The following ABCC4 variants were observed in gnomAD, a reference collection of about 807,000 sequenced individuals.
ABCC4 encodes the protein ATP binding cassette subfamily C member 4 (PEL blood group), also known as ATP-binding cassette sub-family C member 4.
A neutral mutation model predicts 168.5 loss-of-function variants in ABCC4; 102 were observed. That is an observed-to-expected ratio of 0.61 (90% CI 0.52 to 0.71). The LOEUF is 0.71. Among genes scored for constraint, ABCC4 ranks in the 30% least tolerant of loss-of-function variants. ABCC4 has a pLI of 0.00. For synonymous variants in ABCC4, 617 were observed against 590.7 expected (o/e 1.04, Z -0.65); for missense variants, 1,402 against 1,605.8 (o/e 0.87, Z 2.17).
At chr13:95,291,355 C>CAAA (rs773811081) in intron 1 of ABCC4, among the ~76,000 whole-genome samples, 1 of 134,706 alleles carries the variant, frequency 7.4e-6, no homozygotes, top group Admixed American at 7.5e-5. Context: ...GATCCTGTCT[C>CAAA]AAAAAAAAAA....
At chr13:95,287,803 G>A (rs2041296924) in intron 1 of ABCC4, among the ~76,000 whole-genome samples, 1 of 151,688 alleles carries the variant, frequency 6.6e-6, no homozygotes, top group Non-Finnish European at 1.5e-5. Context: ...AGCACTTTGG[G>A]AGGCCAAGGC....
chr13:95,241,900 C>T (rs2039954231), intron 3 of ABCC4, among the ~76,000 whole-genome samples: 1 of 152,166 alleles, frequency 6.6e-6, no homozygotes, highest in African/African-American at 2.4e-5. Context: ...TATGGATCCA[C>T]TGCACAGTTG....
chr13:95,071,511 A>G, intron 25 of ABCC4, 151 bp downstream of exon 25: 1 of 619,210 alleles, frequency 1.6e-6, no homozygotes, highest in Non-Finnish European at 2.4e-6. Flanking sequence ...CACAGCAGGA[A>G]GAATGTTGGT....
At chr13:95,154,270 A>C (rs1226641527) in intron 19 of ABCC4, among the ~76,000 whole-genome samples, 1 of 152,224 alleles carries the variant, frequency 6.6e-6, no homozygotes, top group Non-Finnish European at 1.5e-5. Context: ...CTCTTAAACT[A>C]ACTAATGTAC....
chr13:95,034,846 G>C (rs541170338), intron 29 of ABCC4, 107 bp from the exon 30 acceptor site: 575 of 1,506,290 alleles, frequency 3.8e-4, no homozygotes, highest in Non-Finnish European at 4.7e-4. Context: ...GAATCTGTTT[G>C]GGTGGTAGGC....
chr13:95,113,090 C>T (rs1480303758), intron 20 of ABCC4, among the ~76,000 whole-genome samples: 1 of 152,204 alleles, frequency 6.6e-6, no homozygotes. Context: ...CATCAGGCTT[C>T]CTGTATGGCT....
At chr13:95,134,552 C>A (rs1397275297) in intron 19 of ABCC4, among the ~76,000 whole-genome samples, 3 of 152,034 alleles carry the variant, frequency 2.0e-5, no homozygotes, top group Non-Finnish European at 4.4e-5. Flanking sequence ...AAAACTCTAT[C>A]TCTACAAAAA....
At chr13:95,153,595 T>C (rs889498977) in intron 19 of ABCC4, among the ~76,000 whole-genome samples, 4 of 152,222 alleles carry the variant, frequency 2.6e-5, no homozygotes, top group Admixed American at 2.6e-4. Flanking sequence ...ATTACATGAT[T>C]ATCACTTTGA....
Position 95,062,765 on chromosome 13 carries a change from T to C in ABCC4, c.3305A>G (p.Lys1102Arg). The change falls in exon 26 of 31, where the codon AAG becomes AGG. Residue 1102 changes from lysine (K) to arginine (R), a missense_variant. Coordinates refer to ENST00000645237, the MANE Select transcript of ABCC4 (RefSeq NM_005845.5). ...SEPEGKIWID[K>R]ILTTEIGLHD... is the part of the protein sequence containing the mutation. Reference sequence around the variant, plus strand: ...AAGTCCAATTTCAGTTGTCAAGATCTTATCAATCCAAATTTTACCTTCGGG... The same window carrying C: ...AAGTCCAATTTCAGTTGTCAAGATCCTATCAATCCAAATTTTACCTTCGGG... 6.2e-7 allele frequency: 1 copy of C among 1,614,082 alleles called. No individual in the cohort carries two copies. The highest frequency in any genetic ancestry group is 8.5e-7 in the Non-Finnish European group (1 of 1,179,982).
intron 20 of ABCC4, among the ~76,000 whole-genome samples, chr13:95,104,907 G>T (rs115461685): frequency 0.021 from 3,268 of 152,258 alleles, 121 homozygotes; most frequent in African/African-American, 0.075. Context: ...TTGGCACCAG[G>T]GACTGGTTTC....
chr13:95,069,521 A>C (rs1431122295), intron 25 of ABCC4, among the ~76,000 whole-genome samples: 1 of 152,208 alleles, frequency 6.6e-6, no homozygotes, highest in Admixed American at 6.5e-5. Context: ...TATTAAATAC[A>C]TTCATGTTGT....
intron 13 of ABCC4, among the ~76,000 whole-genome samples, chr13:95,174,083 T>G (rs940914134): frequency 1.3e-5 from 2 of 152,198 alleles, no homozygotes; most frequent in African/African-American, 4.8e-5. Context: ...GAGATCTGAT[T>G]AGGAGACTCA....
At chr13:95,217,124 A>G (rs1393845054) in intron 4 of ABCC4, among the ~76,000 whole-genome samples, 1 of 152,228 alleles carries the variant, frequency 6.6e-6, no homozygotes, top group Non-Finnish European at 1.5e-5. Context: ...AAGGCAGGCA[A>G]GGAAATACAT....
chr13:95,080,653 A>G (rs2034064282), intron 21 of ABCC4, among the ~76,000 whole-genome samples: 1 of 152,216 alleles, frequency 6.6e-6, no homozygotes, highest in African/African-American at 2.4e-5. Flanking sequence ...TTGTATTTTT[A>G]GCAGAGATGG....
chr13:95,163,540 A>G, intron 17 of ABCC4, 70 bp downstream of exon 17: 1 of 1,382,022 alleles, frequency 7.2e-7, no homozygotes, highest in South Asian at 1.2e-5. Flanking sequence ...ACCTCCCTCT[A>G]ACTCTATGGA....
At chr13:95,092,867 CT>C (rs1040590808) in intron 20 of ABCC4, among the ~76,000 whole-genome samples, 19 of 151,582 alleles carry the variant, frequency 1.3e-4, no homozygotes, top group African/African-American at 4.1e-4. Flanking sequence ...GAAAAATTAA[CT>C]GACACCACTG....
At chr13:95,216,796 T>C (rs2039126188) in intron 4 of ABCC4, among the ~76,000 whole-genome samples, 1 of 152,136 alleles carries the variant, frequency 6.6e-6, no homozygotes, top group African/African-American at 2.4e-5. Context: ...AGCTCTCTCA[T>C]TTCACCGGGG....
chr13:95,022,131 G>A (rs762394732), intron 30 of ABCC4, among the ~76,000 whole-genome samples: 12 of 152,180 alleles, frequency 7.9e-5, no homozygotes, highest in Admixed American at 3.9e-4. Flanking sequence ...AACTCTGATT[G>A]ACAAGCATTG....
At chr13:95,044,806 TC>T (rs1293556317) in intron 27 of ABCC4, among the ~76,000 whole-genome samples, 1 of 152,114 alleles carries the variant, frequency 6.6e-6, no homozygotes, top group Non-Finnish European at 1.5e-5. Flanking sequence ...TAAAAAAAAT[TC>T]CCTTCTTTTT....
Sources: gnomAD v4.1 joint callset for allele counts (sites outside exome capture counted in the v4.1 genomes callset) on GRCh38, gnomAD v4.1.1 for gene constraint, MANE v1.5 for transcripts, NCBI Gene and HGNC (gene_info 2026-07-23, HGNC 2026-07-21) for gene names.